Variants in BANP observed in about 807,000 individuals in gnomAD.
The protein encoded by BANP is protein BANP.
A neutral mutation model predicts 68.1 loss-of-function variants in BANP; 11 were observed. The ratio of observed to expected loss-of-function variants is 0.16; its 90% CI spans 0.10 to 0.27. The LOEUF (loss-of-function observed/expected upper bound fraction) is 0.27. Among genes scored for constraint, BANP ranks in the 10% least tolerant of loss-of-function variants. BANP has a pLI of 1.00. For synonymous variants in BANP, 329 were observed against 303.2 expected, an observed-to-expected ratio of 1.09 and a Z score of -0.88; for missense variants, 504 against 722.7, an observed-to-expected ratio of 0.70 and a Z score of 3.47.
rs12149048 is a variant in BANP, at chr16:87,978,848, C to T, written c.71-2188C>T. On this transcript the variant is annotated intron_variant, in intron 2 of 13. Coordinates refer to ENST00000682872, the MANE Select transcript of BANP (RefSeq NM_001386991.1). ...CCAGCTGCCCCCATCACACAGCAAG[C>T]GTCAGGTGATCGTCACGGCTTCCCG... Among the ~76,000 whole-genome samples the T allele has an allele frequency of 2.1e-3, 326 of 152,340 alleles. 3 individuals carry two copies. Among genetic ancestry groups the T allele is most frequent in the Non-Finnish European group, 3.9e-3 (264 of 68,036 alleles).
At chr16:87,952,002 C>G (rs751650529) in intron 1 of BANP, among the ~76,000 whole-genome samples, 1 of 142,768 alleles carries the variant, frequency 7.0e-6, no homozygotes, top group Non-Finnish European at 1.5e-5. Context: ...GCCCCATAGC[C>G]CAGGACTTGC....
At chr16:88,040,758 T>C (rs967623232) in intron 11 of BANP, among the ~76,000 whole-genome samples, 17 of 152,316 alleles carry the variant, frequency 1.1e-4, no homozygotes, top group African/African-American at 4.1e-4. Context: ...ACTGGCTTGA[T>C]TGATGGGAGA....
chr16:87,993,896 C>T (rs1464748240), intron 4 of BANP, among the ~76,000 whole-genome samples: 5 of 152,196 alleles, frequency 3.3e-5, no homozygotes, highest in South Asian at 2.1e-4. Context: ...CCACCATGCC[C>T]GGCCTGAGCA....
intron 13 of BANP, among the ~76,000 whole-genome samples, chr16:88,073,882 C>A (rs2091013165): frequency 6.6e-6 from 1 of 152,266 alleles, no homozygotes; most frequent in East Asian, 1.9e-4. Context: ...TGTTACCATG[C>A]CCTCCTGGCA....
At position 87,975,130 on chromosome 16, in the gene BANP, C is replaced by T. The variant is rs767049556; in HGVS notation, c.15C>T (p.His5=). ...CCGTGCTCTGGATGATGTCGGAACA[C>T]GACCTGGCCGATGTGGTTCAGATTG... MMSE[H]DLADVVQIAV... Residue 5 remains histidine (H), a synonymous_variant, in exon 2 of 14, where the codon CAC becomes CAT. Coordinates refer to ENST00000682872, the MANE Select transcript of BANP (RefSeq NM_001386991.1). The T allele has an allele frequency of 6.3e-5, 102 of 1,613,986 alleles. No homozygotes were observed. The Middle Eastern group carries it at 6.6e-4, about 10-fold the overall frequency.
chr16:88,043,105 C>G (rs1053752408), intron 11 of BANP, among the ~76,000 whole-genome samples: 1 of 152,146 alleles, frequency 6.6e-6, no homozygotes. Flanking sequence ...GAGCAGAGCC[C>G]GTGTGTGTGG....
In BANP at chr16:88,003,891, A is replaced by C. The variant is rs2070172396; in HGVS notation, c.363-404A>C. On this transcript the variant is annotated intron_variant, in intron 4 of 13. Transcript: ENST00000682872. The surrounding 1 kb of genome is among the most constrained non-coding windows in gnomAD (Gnocchi z 6.1). Reference sequence around the variant, plus strand: ...GTCCCATAGGAATGAGTTGGGATGGAGTGACTGAAAATGTCAAGCCAGTTC... The same window carrying C: ...GTCCCATAGGAATGAGTTGGGATGGCGTGACTGAAAATGTCAAGCCAGTTC... The C allele has an allele frequency of 1.0e-5, 3 of 298,364 alleles. No homozygotes were observed. Among genetic ancestry groups the C allele is most frequent in the South Asian group, 9.1e-5 (3 of 32,902 alleles). The allele number at this position is 298,364 out of a possible 1,614,324, so 18.5% of individuals were successfully genotyped here.
At chr16:88,045,075 A>C (rs1268664596) in intron 11 of BANP, among the ~76,000 whole-genome samples, 1 of 152,230 alleles carries the variant, frequency 6.6e-6, no homozygotes, top group Non-Finnish European at 1.5e-5. Context: ...TTGTTCTTGA[A>C]TTGGGAAGCT....
intron 1 of BANP, among the ~76,000 whole-genome samples, chr16:87,954,431 A>G (rs999077577): frequency 5.9e-5 from 9 of 152,200 alleles, no homozygotes; most frequent in Middle Eastern, 3.2e-3. Context: ...CAAGTCCTCC[A>G]TACTGATGTT....
rs895239142 is a variant in BANP, at chr16:88,018,786, G to A, written c.895+119G>A. On this transcript the variant is annotated intron_variant, in intron 7 of 13. Coordinates refer to ENST00000682872, the MANE Select transcript of BANP (RefSeq NM_001386991.1). The surrounding 1 kb of genome is among the most constrained non-coding windows in gnomAD (Gnocchi z 7.7). ...GGCACGGGGCTGCGTTTCTCCAGGCGGTTTGAAATCTCAGCCCGAGGATCA... is the reference window on the plus strand; with the variant it reads ...GGCACGGGGCTGCGTTTCTCCAGGCAGTTTGAAATCTCAGCCCGAGGATCA... 6.0e-6 allele frequency: 8 copies of A among 1,326,426 alleles called. No homozygotes were observed. The highest frequency in any genetic ancestry group is 7.1e-6 in the Non-Finnish European group (7 of 985,288). 82.2% of individuals were successfully genotyped at this position (1,326,426 alleles called of 1,614,324 possible).
At position 87,975,489 on chromosome 16, in the gene BANP, G is replaced by A. The variant is rs554300976; in HGVS notation, c.70+304G>A. Among the ~76,000 whole-genome samples the A allele has an allele frequency of 3.9e-5, 6 of 152,306 alleles. No individual in the cohort carries two copies. The East Asian group carries it at 7.7e-4, about 20-fold the overall frequency. ...TCTCCCCTGCCGCGTCCCTGTGTGC[G>A]GCGTCGTGGATCTTTACCATGTTGT... On this transcript the variant is annotated intron_variant, in intron 2 of 13. Transcript: ENST00000682872.
intron 4 of BANP, among the ~76,000 whole-genome samples, chr16:87,999,164 C>T (rs2152533535): frequency 6.9e-6 from 1 of 144,360 alleles, no homozygotes; most frequent in Admixed American, 6.9e-5. Context: ...ACCTGTCCTT[C>T]CAGACACATC....
chr16:88,037,574 C>A (rs371128234), intron 10 of BANP: 1 of 207,188 alleles, frequency 4.8e-6, no homozygotes, highest in South Asian at 7.5e-5. Context: ...CGTGACCTGG[C>A]GTGGTGATGC....
chr16:88,063,081 C>T (rs900598368), intron 11 of BANP, among the ~76,000 whole-genome samples: 2 of 152,240 alleles, frequency 1.3e-5, no homozygotes, highest in Non-Finnish European at 1.5e-5. Flanking sequence ...TAAGAGGCTG[C>T]GCCGTGCATG....
intron 1 of BANP, among the ~76,000 whole-genome samples, chr16:87,953,477 C>A (rs951716434): frequency 6.6e-6 from 1 of 152,180 alleles, no homozygotes; most frequent in Non-Finnish European, 1.5e-5. Flanking sequence ...GCCGCTAATA[C>A]AGGTGTGAGT....
chr16:87,949,598 T>C (rs886449217), upstream of BANP: 3 of 152,322 alleles, frequency 2.0e-5, no homozygotes, highest in African/African-American at 7.2e-5. Flanking sequence ...GATCTTCATG[T>C]TGAAAAAGGA....
intron 1 of BANP, among the ~76,000 whole-genome samples, chr16:87,960,755 G>A (rs938376430): frequency 3.3e-5 from 5 of 152,224 alleles, no homozygotes; most frequent in African/African-American, 9.7e-5. Flanking sequence ...TATTTGAGTT[G>A]TAGTTGAACT....
rs12921722 is a variant in BANP, at chr16:88,001,288, A to C, written c.363-3007A>C. Among the ~76,000 whole-genome samples, 14 of 78,656 alleles carry C rather than the reference A, an allele frequency of 1.8e-4. 1 individual carries two copies. The highest frequency in any genetic ancestry group is 3.9e-4 in the South Asian group (1 of 2,554). 51.6% of individuals were successfully genotyped at this position (78,656 alleles called of 152,430 possible). On this transcript the variant is annotated intron_variant, in intron 4 of 13. Coordinates refer to ENST00000682872, the MANE Select transcript of BANP (RefSeq NM_001386991.1). ...TCCTTCCAGACACCCAGACACGTCAACATGCACGCACGTGCGCGGCTAGAC... is the reference window on the plus strand; with the variant it reads ...TCCTTCCAGACACCCAGACACGTCACCATGCACGCACGTGCGCGGCTAGAC...
At chr16:88,031,430 G>A (rs1375567140) in intron 8 of BANP, among the ~76,000 whole-genome samples, 1 of 151,986 alleles carries the variant, frequency 6.6e-6, no homozygotes, top group Non-Finnish European at 1.5e-5. Context: ...GATCATTTGA[G>A]GTCAGGAGTT....
Sources: gnomAD v4.1 joint callset for allele counts (sites outside exome capture counted in the v4.1 genomes callset) on GRCh38, gnomAD v4.1.1 for gene constraint, Gnocchi (gnomAD v3.1) non-coding constraint, MANE v1.5 for transcripts, NCBI Gene and HGNC (gene_info 2026-07-23, HGNC 2026-07-21) for gene names.